The following BABAM2 variants were observed in gnomAD, a reference collection of about 807,000 sequenced individuals.
The protein encoded by BABAM2 is BRISC and BRCA1 A complex member 2, also known as BRISC and BRCA1-A complex member 2.
A neutral mutation model predicts 54.7 loss-of-function variants in BABAM2; 31 were observed. The ratio of observed to expected loss-of-function variants is 0.57; its 90% CI spans 0.43 to 0.77. The LOEUF is 0.77. BABAM2 is among the 30% of genes least tolerant of loss of function. BABAM2 has a pLI of 0.00. For synonymous variants in BABAM2, 167 were observed against 162.9 expected, an observed-to-expected ratio of 1.03 and a Z score of -0.19; for missense variants, 364 against 455.8, an observed-to-expected ratio of 0.80 and a Z score of 1.83.
At chr2:28,167,156 C>T (rs1673767230) in intron 7 of BABAM2, among the ~76,000 whole-genome samples, 1 of 152,154 alleles carries the variant, frequency 6.6e-6, no homozygotes, top group African/African-American at 2.4e-5. Flanking sequence ...GTTCTTCATT[C>T]TGATTGTGTG....
chr2:28,217,042 C>T (rs979584391), intron 7 of BABAM2, among the ~76,000 whole-genome samples: 4 of 152,162 alleles, frequency 2.6e-5, no homozygotes, highest in Admixed American at 6.5e-5. Context: ...AGGCTTTCCC[C>T]GATTGCCCTA....
At chr2:27,888,900 C>T (rs140633178), upstream of BABAM2, among the ~76,000 whole-genome samples, 931 of 152,318 alleles carry the variant, frequency 6.1e-3, 4 homozygotes, top group Non-Finnish European at 9.9e-3. Flanking sequence ...GATGTACAGG[C>T]CTCTTCAACA....
At chr2:28,335,851 C>T (rs1691409325) in intron 11 of BABAM2, among the ~76,000 whole-genome samples, 1 of 152,124 alleles carries the variant, frequency 6.6e-6, no homozygotes, top group African/African-American at 2.4e-5. Flanking sequence ...GGGCTCGTAT[C>T]CTGGACCGTG....
chr2:28,255,325 G>A (rs1198723840), intron 10 of BABAM2, among the ~76,000 whole-genome samples: 4 of 152,142 alleles, frequency 2.6e-5, no homozygotes, highest in African/African-American at 7.2e-5. Flanking sequence ...CCAGGCTGGA[G>A]TGCAGTGGTG....
At chr2:27,991,353 T>A (rs1672761729) in intron 4 of BABAM2, among the ~76,000 whole-genome samples, 1 of 152,224 alleles carries the variant, frequency 6.6e-6, no homozygotes, top group Admixed American at 6.5e-5. Flanking sequence ...TTTTCCATTC[T>A]GGAGACAGTT....
intron 7 of BABAM2, among the ~76,000 whole-genome samples, chr2:28,137,399 C>G (rs1294078026): frequency 6.6e-6 from 1 of 152,090 alleles, no homozygotes; most frequent in East Asian, 1.9e-4. Flanking sequence ...GTCTTATCCT[C>G]TAGGGACTTG....
chr2:28,307,317 T>C (rs1292481182), intron 11 of BABAM2, among the ~76,000 whole-genome samples: 1 of 151,712 alleles, frequency 6.6e-6, no homozygotes, highest in East Asian at 1.9e-4. Flanking sequence ...TTAATTGGAG[T>C]ATTTCATTTA....
intron 7 of BABAM2, among the ~76,000 whole-genome samples, chr2:28,196,820 C>T (rs1345797374): frequency 7.7e-6 from 1 of 129,284 alleles, no homozygotes; most frequent in East Asian, 2.6e-4. Flanking sequence ...GCCTGGGTGA[C>T]AGAGTGAGAC....
intron 10 of BABAM2, among the ~76,000 whole-genome samples, chr2:28,294,701 A>T (rs1013560944): frequency 1.3e-5 from 2 of 152,242 alleles, no homozygotes; most frequent in African/African-American, 2.4e-5. Flanking sequence ...ACTCATTCTT[A>T]TGCATAGAAC....
intron 7 of BABAM2, among the ~76,000 whole-genome samples, chr2:28,221,980 G>A (rs561959987): frequency 6.6e-6 from 1 of 152,304 alleles, no homozygotes; most frequent in Admixed American, 6.5e-5. Flanking sequence ...ATCCAGAAAA[G>A]CAAGTTGTCC....
intron 6 of BABAM2, among the ~76,000 whole-genome samples, chr2:28,110,640 A>G (rs1403261658): frequency 6.6e-6 from 1 of 151,944 alleles, no homozygotes; most frequent in Non-Finnish European, 1.5e-5. Flanking sequence ...AAATAAATAA[A>G]TAAAATAAAA....
chr2:28,109,111 G>A (rs1667769504), intron 6 of BABAM2, among the ~76,000 whole-genome samples: 1 of 151,804 alleles, frequency 6.6e-6, no homozygotes, highest in Admixed American at 6.6e-5. Context: ...AGGGGAGGAA[G>A]GGCTGACATG....
intron 6 of BABAM2, among the ~76,000 whole-genome samples, chr2:28,062,686 A>G (rs1678993826): frequency 6.6e-6 from 1 of 152,016 alleles, no homozygotes; most frequent in African/African-American, 2.4e-5. Context: ...ACATCAATGT[A>G]GAGTAAAGCT....
At chr2:28,097,353 A>G (rs1243583902) in intron 6 of BABAM2, among the ~76,000 whole-genome samples, 3 of 152,166 alleles carry the variant, frequency 2.0e-5, no homozygotes, top group Non-Finnish European at 4.4e-5. Context: ...TAGGAAGCAG[A>G]GCTTTGTGTA....
At chr2:28,191,377 A>G (rs1166975667) in intron 7 of BABAM2, among the ~76,000 whole-genome samples, 3 of 152,226 alleles carry the variant, frequency 2.0e-5, no homozygotes, top group African/African-American at 7.2e-5. Flanking sequence ...TGACCCAGCC[A>G]TTCTACTGCA....
Position 28,211,975 on chromosome 2 carries a change from A to AT in BABAM2, c.681-25218dup, listed in dbSNP as rs535915458. On this transcript the variant is annotated intron_variant, in intron 7 of 11. Coordinates refer to ENST00000379624, the MANE Select transcript of BABAM2 (RefSeq NM_199191.3). ...GGATTCAAATAGTCTATAGCATTAGATTTTTTTTTCCCATAAGTCTCTTAA... is the reference window on the plus strand; with the variant it reads ...GGATTCAAATAGTCTATAGCATTAGATTTTTTTTTTCCCATAAGTCTCTTAA... 4.6e-5 allele frequency among the ~76,000 whole-genome samples: 7 copies of AT among 151,560 alleles called. No homozygotes were observed. The East Asian group carries it at 5.8e-4, about 13-fold the overall frequency.
intron 5 of BABAM2, among the ~76,000 whole-genome samples, chr2:28,039,381 T>C (rs1483468513): frequency 6.6e-6 from 1 of 152,258 alleles, no homozygotes; most frequent in Non-Finnish European, 1.5e-5. Context: ...TATAAAATTC[T>C]AGTTAGACTA....
intron 7 of BABAM2, among the ~76,000 whole-genome samples, chr2:28,209,912 A>G (rs1262696333): frequency 2.0e-5 from 3 of 152,164 alleles, no homozygotes; most frequent in Non-Finnish European, 4.4e-5. Flanking sequence ...TTAAATAATT[A>G]ATATAGAGAG....
intron 5 of BABAM2, among the ~76,000 whole-genome samples, chr2:28,042,160 C>T (rs2148603621): frequency 6.6e-6 from 1 of 151,948 alleles, no homozygotes; most frequent in East Asian, 1.9e-4. Flanking sequence ...AATGGAATTG[C>T]CATTTACTGA....
Sources: allele counts gnomAD v4.1 joint callset (sites outside exome capture counted in the v4.1 genomes callset), GRCh38; gene constraint gnomAD v4.1.1; transcripts MANE v1.5; gene names NCBI Gene and HGNC (gene_info 2026-07-23, HGNC 2026-07-21).